NAALADL2: variants seen among roughly 807,000 people sequenced by gnomAD.
NAALADL2 encodes N-acetylated alpha-linked acidic dipeptidase like 2.
Under a neutral mutation model 87.2 loss-of-function variants are expected in NAALADL2, and 76 were observed. That is an observed-to-expected ratio of 0.87 (90% CI 0.72 to 1.05). The LOEUF (loss-of-function observed/expected upper bound fraction) is 1.05, where lower values mean the gene tolerates loss of function less well. Among genes scored for constraint, NAALADL2 ranks in the 50% least tolerant of loss-of-function variants. The pLI is 0.00. For synonymous variants in NAALADL2, 354 were observed against 331.0 expected (o/e 1.07, Z -0.75); for missense variants, 1,089 against 945.8 (o/e 1.15, Z -1.99).
chr3:175,555,366 C>A (rs1290433125), intron 9 of NAALADL2, among the ~76,000 whole-genome samples: 3 of 152,116 alleles, frequency 2.0e-5, no homozygotes, highest in African/African-American at 7.2e-5. Flanking sequence ...ACATTTATTG[C>A]ATTATTTACT....
chr3:174,646,305 G>A (rs1198507555), intron 2 of NAALADL2, among the ~76,000 whole-genome samples: 2 of 152,072 alleles, frequency 1.3e-5, no homozygotes, highest in African/African-American at 2.4e-5. Flanking sequence ...GAGAAACATT[G>A]CTTTATTAAG....
intron 9 of NAALADL2, among the ~76,000 whole-genome samples, chr3:175,486,696 A>G (rs764519744): frequency 3.9e-5 from 6 of 152,130 alleles, no homozygotes; most frequent in Non-Finnish European, 7.4e-5. Flanking sequence ...TAGAAACGAT[A>G]TGAGTGCCAT....
intron 1 of NAALADL2, among the ~76,000 whole-genome samples, chr3:175,002,193 G>C (rs1359560699): frequency 1.3e-5 from 2 of 152,074 alleles, no homozygotes; most frequent in Admixed American, 6.6e-5. Context: ...TAAAGATATT[G>C]TTGAAAAGGT....
At chr3:175,633,273 T>G (rs1728059765) in intron 11 of NAALADL2, among the ~76,000 whole-genome samples, 1 of 152,154 alleles carries the variant, frequency 6.6e-6, no homozygotes, top group African/African-American at 2.4e-5. Context: ...TCCACTTGGC[T>G]TGTTCCTCAT....
intron 10 of NAALADL2, among the ~76,000 whole-genome samples, chr3:175,613,487 T>C (rs1156461980): frequency 6.6e-6 from 1 of 152,220 alleles, no homozygotes; most frequent in Non-Finnish European, 1.5e-5. Flanking sequence ...GAAATGAACA[T>C]ACATTTTATT....
At chr3:175,075,013 A>G (rs1396383572) in intron 1 of NAALADL2, among the ~76,000 whole-genome samples, 2 of 152,150 alleles carry the variant, frequency 1.3e-5, no homozygotes, top group East Asian at 3.9e-4. Flanking sequence ...AATTCCATAT[A>G]AAACAATGGA....
chr3:174,584,864 G>T (rs1176236773), intron 2 of NAALADL2, among the ~76,000 whole-genome samples: 1 of 152,072 alleles, frequency 6.6e-6, no homozygotes, highest in Non-Finnish European at 1.5e-5. Flanking sequence ...TATTCACTGC[G>T]AATGCACTCT....
chr3:175,406,075 G>C (rs1712319997), intron 5 of NAALADL2, among the ~76,000 whole-genome samples: 1 of 152,184 alleles, frequency 6.6e-6, no homozygotes. Flanking sequence ...TTGCAGTACA[G>C]ATACTAACAC....
intron 12 of NAALADL2, among the ~76,000 whole-genome samples, chr3:175,743,469 G>A (rs1745522486): frequency 1.3e-5 from 2 of 152,210 alleles, no homozygotes; most frequent in Non-Finnish European, 2.9e-5. Context: ...ACCAGGGCTA[G>A]ACCTTTTCTG....
At chr3:174,796,672 G>T (rs1718135370) in intron 3 of NAALADL2, among the ~76,000 whole-genome samples, 1 of 55,292 alleles carries the variant, frequency 1.8e-5, no homozygotes, top group Middle Eastern at 9.1e-3. Context: ...GAACAGTGCT[G>T]CAGTAAATAT....
intron 8 of NAALADL2, among the ~76,000 whole-genome samples, chr3:175,469,879 A>G (rs143174420): frequency 2.2e-3 from 331 of 152,212 alleles, no homozygotes; most frequent in African/African-American, 7.7e-3. Context: ...GATATTTCAT[A>G]GCACTTAAGT....
chr3:175,622,643 C>A (rs1318690233), intron 10 of NAALADL2, among the ~76,000 whole-genome samples: 2 of 152,220 alleles, frequency 1.3e-5, no homozygotes, highest in East Asian at 3.9e-4. Context: ...TTCTGAATTT[C>A]AGTCTTCTCA....
intron 2 of NAALADL2, among the ~76,000 whole-genome samples, chr3:175,230,828 T>C (rs1030948201): frequency 6.6e-6 from 1 of 151,820 alleles, no homozygotes; most frequent in Non-Finnish European, 1.5e-5. Context: ...ATGGCAAGAG[T>C]GTAATCAAAA....
At chr3:175,752,215 A>T (rs1266586008) in intron 12 of NAALADL2, among the ~76,000 whole-genome samples, 1 of 152,122 alleles carries the variant, frequency 6.6e-6, no homozygotes, top group East Asian at 1.9e-4. Context: ...GTTCTTTCCA[A>T]TCAGAAAGAG....
intron 10 of NAALADL2, among the ~76,000 whole-genome samples, chr3:175,590,191 G>A (rs113156261): frequency 0.049 from 7,081 of 143,058 alleles, 651 homozygotes; most frequent in African/African-American, 0.17. Flanking sequence ...CAGCCTGGGC[G>A]ACAGAGCGAG....
chr3:175,164,129 T>A (rs1733634007), intron 2 of NAALADL2, among the ~76,000 whole-genome samples: 1 of 152,122 alleles, frequency 6.6e-6, no homozygotes, highest in African/African-American at 2.4e-5. Context: ...CAAGACATTT[T>A]AAAAATGTCC....
intron 1 of NAALADL2, among the ~76,000 whole-genome samples, chr3:175,055,296 T>A (rs978898543): frequency 6.6e-6 from 1 of 152,216 alleles, no homozygotes; most frequent in Non-Finnish European, 1.5e-5. Flanking sequence ...CAGAAGTAGA[T>A]ATAACAATTT....
At chr3:175,484,779 G>A (rs1727007042) in intron 9 of NAALADL2, among the ~76,000 whole-genome samples, 1 of 152,106 alleles carries the variant, frequency 6.6e-6, no homozygotes, top group African/African-American at 2.4e-5. Flanking sequence ...CCTTACCCAG[G>A]AGCATGAACA....
intron 2 of NAALADL2, among the ~76,000 whole-genome samples, chr3:174,631,511 G>A (rs147615563): frequency 1.2e-4 from 18 of 152,234 alleles, no homozygotes; most frequent in Non-Finnish European, 1.6e-4. Context: ...CTTTGCTTGT[G>A]GCTCTCATTA....
Sources: gnomAD v4.1 joint callset for allele counts (sites outside exome capture counted in the v4.1 genomes callset) on GRCh38, gnomAD v4.1.1 for gene constraint, MANE v1.5 for transcripts, NCBI Gene and HGNC (gene_info 2026-07-23, HGNC 2026-07-21) for gene names.